The following SBF2 variants were observed in gnomAD, a reference collection of about 807,000 sequenced individuals.
SBF2 encodes the protein myotubularin-related protein 13.
In SBF2, 112 loss-of-function variants were observed where a neutral mutation model predicts 225.2. That is an observed-to-expected ratio of 0.50 (90% CI 0.43 to 0.58). The LOEUF (loss-of-function observed/expected upper bound fraction) is 0.58. Among genes scored for constraint, SBF2 ranks in the 20% least tolerant of loss-of-function variants. SBF2 has a pLI of 0.00. For missense variants in SBF2, 1,996 were observed against 2,206.2 expected (o/e 0.90, Z 1.91); for synonymous variants, 763 against 773.3 (o/e 0.99, Z 0.22).
intron 2 of SBF2, among the ~76,000 whole-genome samples, chr11:10,143,650 T>C (rs1309278823): frequency 6.6e-6 from 1 of 152,166 alleles, no homozygotes; most frequent in African/African-American, 2.4e-5. Context: ...AATTGATCTA[T>C]AGATTTCAGT....
chr11:9,968,313 C>T (rs1328120934), intron 14 of SBF2, 28 bp downstream of exon 14: 2 of 1,604,328 alleles, frequency 1.2e-6, no homozygotes, highest in Admixed American at 3.3e-5. Flanking sequence ...AAACAGTTTA[C>T]TTTTAAAACA....
intron 6 of SBF2, among the ~76,000 whole-genome samples, chr11:10,010,802 G>C (rs1157328816): frequency 6.6e-6 from 1 of 152,156 alleles, no homozygotes; most frequent in Admixed American, 6.5e-5. Context: ...GATGGGGATA[G>C]CATTGAATCT....
At chr11:9,930,093 C>A (rs540234666) in intron 16 of SBF2, among the ~76,000 whole-genome samples, 1 of 151,730 alleles carries the variant, frequency 6.6e-6, no homozygotes, top group Non-Finnish European at 1.5e-5. Context: ...CCATGGCACA[C>A]GTTTACCTAT....
chr11:9,935,837 C>A (rs1193497666), intron 16 of SBF2, among the ~76,000 whole-genome samples: 1 of 152,080 alleles, frequency 6.6e-6, no homozygotes, highest in Admixed American at 6.5e-5. Flanking sequence ...AATGTTAGAC[C>A]TAAAACCATA....
chr11:9,889,641 G>A (rs1457981352), intron 17 of SBF2, among the ~76,000 whole-genome samples: 5 of 152,120 alleles, frequency 3.3e-5, no homozygotes, highest in African/African-American at 1.2e-4. Flanking sequence ...AGCACTCCAG[G>A]TGTGGAAAAT....
At chr11:9,917,238 A>G (rs1193701785) in intron 16 of SBF2, among the ~76,000 whole-genome samples, 2 of 151,666 alleles carry the variant, frequency 1.3e-5, no homozygotes, top group African/African-American at 4.9e-5. Flanking sequence ...TATTTATATA[A>G]TTTATCTTTT....
intron 17 of SBF2, among the ~76,000 whole-genome samples, chr11:9,870,487 G>A (rs1191496257): frequency 6.6e-6 from 1 of 152,156 alleles, no homozygotes; most frequent in African/African-American, 2.4e-5. Flanking sequence ...AAACAGCATG[G>A]TATTGGTACC....
intron 2 of SBF2, among the ~76,000 whole-genome samples, chr11:10,124,940 A>G (rs940132205): frequency 7.2e-5 from 11 of 151,972 alleles, no homozygotes; most frequent in African/African-American, 2.4e-4. Flanking sequence ...CCCCGTCTCT[A>G]CTAAAAGTAC....
intron 17 of SBF2, among the ~76,000 whole-genome samples, chr11:9,890,112 C>T (rs1860673220): frequency 6.6e-6 from 1 of 152,164 alleles, no homozygotes; most frequent in Non-Finnish European, 1.5e-5. Flanking sequence ...GCTATGTTGG[C>T]CAGGCTGGAC....
intron 2 of SBF2, among the ~76,000 whole-genome samples, chr11:10,108,061 A>C (rs931314533): frequency 1.1e-4 from 16 of 152,228 alleles, no homozygotes; most frequent in African/African-American, 3.6e-4. Context: ...GTATATTAAA[A>C]GTTATGAAAG....
chr11:10,040,488 C>T (rs537453400), intron 3 of SBF2, among the ~76,000 whole-genome samples: 1 of 151,406 alleles, frequency 6.6e-6, no homozygotes, highest in Admixed American at 6.6e-5. Context: ...ACAAGTATTC[C>T]AGATGAAAAG....
chr11:9,994,068 T>C, intron 9 of SBF2, 70 bp from the exon 10 acceptor site: 1 of 1,050,800 alleles, frequency 9.5e-7, no homozygotes, highest in Non-Finnish European at 1.5e-6. Context: ...GACATTAAGA[T>C]GAAAATGTCA....
chr11:10,013,726 C>G (rs945332229), intron 6 of SBF2, among the ~76,000 whole-genome samples: 1 of 152,158 alleles, frequency 6.6e-6, no homozygotes, highest in African/African-American at 2.4e-5. Context: ...CATCTCTCAC[C>G]AAAATGCCTG....
intron 1 of SBF2, among the ~76,000 whole-genome samples, chr11:10,251,486 T>C (rs1051917469): frequency 6.6e-6 from 1 of 152,222 alleles, no homozygotes; most frequent in Non-Finnish European, 1.5e-5. Context: ...TTGTGGCCTA[T>C]GGACAAATCC....
chr11:10,098,848 G>A (rs1273246363), intron 2 of SBF2, among the ~76,000 whole-genome samples: 2 of 150,656 alleles, frequency 1.3e-5, no homozygotes, highest in African/African-American at 2.4e-5. Flanking sequence ...CCAGTCAGAG[G>A]AGAAAAAGAA....
In SBF2 at chr11:9,853,690, T is replaced by C; in HGVS notation, c.2386A>G (p.Ser796Gly). The C allele has an allele frequency of 6.2e-7, 1 of 1,614,008 alleles. No homozygotes were observed. The highest frequency in any genetic ancestry group is 8.5e-7 in the Non-Finnish European group (1 of 1,179,918). Reference sequence around the variant, plus strand: ...TCAAACCCACTCTCTGTATCATAGCTCTCAGCTACACTTCCTGCAATACTA... The same window carrying C: ...TCAAACCCACTCTCTGTATCATAGCCCTCAGCTACACTTCCTGCAATACTA... Reference protein sequence around the residue: ...TNSIAGSVAESYDTESGFEDS... With the variant: ...TNSIAGSVAEGYDTESGFEDS... The change falls in exon 20 of 40, where the codon AGC becomes GGC. Residue 796 changes from serine to glycine, a missense_variant. Ser to Gly is a moderately conservative substitution (Grantham distance 56). Coordinates refer to ENST00000256190, the MANE Select transcript of SBF2 (RefSeq NM_030962.4).
At chr11:10,026,351 C>G (rs546282889) in intron 6 of SBF2, among the ~76,000 whole-genome samples, 1 of 152,088 alleles carries the variant, frequency 6.6e-6, no homozygotes, top group Non-Finnish European at 1.5e-5. Flanking sequence ...TAAAAAAGGT[C>G]AGGTGAATGG....
chr11:10,294,128 C>T lies in SBF2; in HGVS notation c.-59G>A. On this transcript the variant is annotated 5_prime_UTR_variant, in exon 1 of 40. Coordinates refer to ENST00000256190, the MANE Select transcript of SBF2 (RefSeq NM_030962.4). ...CGTCGCCGCCCTCGCCGCCGCCGCCCACCCGGCCCGGGAGGGCTCAGCATT... is the reference window on the plus strand; with the variant it reads ...CGTCGCCGCCCTCGCCGCCGCCGCCTACCCGGCCCGGGAGGGCTCAGCATT... The T allele has an allele frequency of 7.9e-7, 1 of 1,265,308 alleles. No homozygotes were observed. Among genetic ancestry groups the T allele is most frequent in the Non-Finnish European group, 1.0e-6 (1 of 993,488 alleles). The allele number at this position is 1,265,308 out of a possible 1,614,324, so 78.4% of individuals were successfully genotyped here. A position where few individuals can be genotyped will look rare whatever the true frequency, so the allele number is the denominator to read the frequency against.
At chr11:10,257,664 C>CAAAAAAAA (rs58743421) in intron 1 of SBF2, among the ~76,000 whole-genome samples, 3 of 39,058 alleles carry the variant, frequency 7.7e-5, no homozygotes, top group African/African-American at 2.8e-4. Context: ...GGCCTTGCCT[C>CAAAAAAAA]AAAAAAAAAA....
Sources: gnomAD v4.1 joint callset for allele counts (sites outside exome capture counted in the v4.1 genomes callset) on GRCh38, gnomAD v4.1.1 for gene constraint, MANE v1.5 for transcripts, NCBI Gene and HGNC (gene_info 2026-07-23, HGNC 2026-07-21) for gene names.